Variants in NFIB observed in about 807,000 individuals in gnomAD.
NFIB encodes nuclear factor 1 B-type.
A neutral mutation model predicts 61.5 loss-of-function variants in NFIB; 11 were observed. The ratio of observed to expected loss-of-function variants is 0.18; its 90% CI spans 0.11 to 0.30. NFIB has a LOEUF of 0.30. Ranked by LOEUF, NFIB falls within the 10% of genes least tolerant of loss-of-function variation. NFIB has a pLI of 1.00. For missense variants in NFIB, 471 were observed against 608.9 expected, an observed-to-expected ratio of 0.77 and a Z score of 2.38; for synonymous variants, 260 against 216.5, an observed-to-expected ratio of 1.20 and a Z score of -1.76.
At chr9:14,103,342 T>TG (rs113087111) in intron 10 of NFIB, among the ~76,000 whole-genome samples, 3,030 of 133,608 alleles carry the variant, frequency 0.023, 30 homozygotes, top group Non-Finnish European at 0.026. Context: ...TTATCTGGGT[T>TG]GGGGGGGGGG....
chr9:14,256,675 C>A (rs894200469), intron 2 of NFIB, among the ~76,000 whole-genome samples: 1 of 152,204 alleles, frequency 6.6e-6, no homozygotes, highest in Non-Finnish European at 1.5e-5. Context: ...CCATGAGAAT[C>A]ACAGTTACTT....
intron 2 of NFIB, among the ~76,000 whole-genome samples, chr9:14,191,357 C>A (rs142758463): frequency 6.6e-6 from 1 of 151,792 alleles, no homozygotes; most frequent in African/African-American, 2.4e-5. Context: ...AAAAAAAATA[C>A]AGATAATTCT....
At chr9:14,203,153 G>A (rs10961419) in intron 2 of NFIB, among the ~76,000 whole-genome samples, 28,768 of 151,896 alleles carry the variant, frequency 0.19, 3,339 homozygotes, top group East Asian at 0.6. Context: ...AGCCAAAGGA[G>A]ACAGCCCCCA....
intron 10 of NFIB, among the ~76,000 whole-genome samples, chr9:14,104,093 A>T (rs1177887883): frequency 6.6e-6 from 1 of 151,826 alleles, no homozygotes. Flanking sequence ...AATTTTTGTT[A>T]GTAGAGATGG....
upstream of NFIB, chr9:14,314,147 G>GGTGGCGGGGCGCGCGC: frequency 9.8e-7 from 1 of 1,021,876 alleles, no homozygotes; most frequent in Non-Finnish European, 1.2e-6. Flanking sequence ...AGTGCGCGCG[G>GGTGGCGGGGCGCGCGC]GTGGCGGGGC....
the NFIB span, among the ~76,000 whole-genome samples, chr9:14,464,862 A>T: frequency 6.6e-6 from 1 of 152,186 alleles, no homozygotes; most frequent in Non-Finnish European, 1.5e-5. Flanking sequence ...CCTGTGAAAG[A>T]TGGAGTTGTA....
intron 10 of NFIB, among the ~76,000 whole-genome samples, chr9:14,103,495 C>T (rs1026921869): frequency 2.6e-5 from 4 of 152,012 alleles, no homozygotes; most frequent in African/African-American, 9.7e-5. Context: ...CAGATGATGA[C>T]TGGAACCAAA....
At chr9:14,332,748 A>G (rs998572744) in intron 1 of NFIB, among the ~76,000 whole-genome samples, 1 of 152,240 alleles carries the variant, frequency 6.6e-6, no homozygotes, top group Non-Finnish European at 1.5e-5. Context: ...TGCTGTGCCC[A>G]GGAAATACAG....
the NFIB span, among the ~76,000 whole-genome samples, chr9:14,501,526 A>G: frequency 6.6e-6 from 1 of 152,180 alleles, no homozygotes; most frequent in Non-Finnish European, 1.5e-5. Flanking sequence ...GGCCCTTCCT[A>G]TTTCACAGGT....
upstream of NFIB, among the ~76,000 whole-genome samples, chr9:14,318,505 CTTTTTTTTTTTTTT>C (rs34481505): frequency 1.5e-5 from 1 of 66,842 alleles, no homozygotes; most frequent in Non-Finnish European, 2.6e-5. Flanking sequence ...CACTCGATGC[CTTTTTTTTTTTTTT>C]TTTTTTTTTT....
At position 14,274,365 on chromosome 9, in the gene NFIB, C is replaced by T. The variant is rs1484352379; in HGVS notation, c.562+32624G>A. Among the ~76,000 whole-genome samples, 8 of 151,912 alleles carry T rather than the reference C, an allele frequency of 5.3e-5. No homozygotes were observed. In the East Asian group the frequency reaches 1.6e-3, roughly 30 times the overall value. The stretch of plus-strand genomic sequence containing the variant: ...ATTTCTCAGGGGCTTAGGAGGGCGG[C>T]AGCCGTGCCAAAATTACAAGCTTTC... On this transcript the variant is annotated intron_variant, in intron 2 of 10. Transcript: ENST00000380953.
At chr9:14,172,525 T>C (rs777709758) in intron 3 of NFIB, among the ~76,000 whole-genome samples, 5 of 152,228 alleles carry the variant, frequency 3.3e-5, no homozygotes, top group Non-Finnish European at 5.9e-5. Context: ...TAAAGATACA[T>C]TTGTACCTTT....
chr9:14,453,348 T>C, the NFIB span, among the ~76,000 whole-genome samples: 20 of 152,344 alleles, frequency 1.3e-4, no homozygotes, highest in South Asian at 4.1e-3. Context: ...CACTCCTAGA[T>C]AGGGAGGATT....
At chr9:14,322,565 C>G (rs1283692007) in intron 1 of NFIB, among the ~76,000 whole-genome samples, 5 of 151,970 alleles carry the variant, frequency 3.3e-5, no homozygotes, top group Admixed American at 1.3e-4. Flanking sequence ...TTCTCTTTCT[C>G]CGGCTCGCGG....
chr9:14,141,440 A>G (rs1200169811), intron 6 of NFIB, among the ~76,000 whole-genome samples: 1 of 152,180 alleles, frequency 6.6e-6, no homozygotes, highest in African/African-American at 2.4e-5. Context: ...TATTGATTTT[A>G]TGTAAAGATT....
At chr9:14,314,804 T>C (rs550916644), upstream of NFIB, among the ~76,000 whole-genome samples, 104 of 148,390 alleles carry the variant, frequency 7.0e-4, no homozygotes, top group African/African-American at 2.4e-3. Flanking sequence ...TTTTTTTTTT[T>C]CCAAAATAGC....
At chr9:14,134,470 A>G (rs971971907) in intron 6 of NFIB, among the ~76,000 whole-genome samples, 2 of 152,200 alleles carry the variant, frequency 1.3e-5, no homozygotes, top group African/African-American at 4.8e-5. Flanking sequence ...GCACAGAGTT[A>G]CATGCAGTGA....
intron 6 of NFIB, among the ~76,000 whole-genome samples, chr9:14,135,621 A>G (rs768184158): frequency 2.6e-5 from 4 of 152,216 alleles, no homozygotes; most frequent in Non-Finnish European, 5.9e-5. Context: ...TTTGATGATG[A>G]TGCCAGATGA....
chr9:14,478,256 T>C, the NFIB span, among the ~76,000 whole-genome samples: 1 of 152,186 alleles, frequency 6.6e-6, no homozygotes, highest in Non-Finnish European at 1.5e-5. Context: ...ATTAACGACT[T>C]CACTTCTTAA....
Sources: allele counts gnomAD v4.1 joint callset (sites outside exome capture counted in the v4.1 genomes callset), GRCh38; gene constraint gnomAD v4.1.1; transcripts MANE v1.5; gene names NCBI Gene and HGNC (gene_info 2026-07-23, HGNC 2026-07-21).